Variants in RPIA observed in about 807,000 individuals in gnomAD.
RPIA encodes the protein ribose-5-phosphate isomerase.
In RPIA, 29 loss-of-function variants were observed where a neutral mutation model predicts 37.8. That is an observed-to-expected ratio of 0.77 (90% CI 0.57 to 1.05). The LOEUF (loss-of-function observed/expected upper bound fraction) is 1.05. RPIA is among the 50% of genes least tolerant of loss of function. The probability of loss-of-function intolerance (pLI) is 0.00; values close to 1 mark genes in which losing one functional copy is unlikely to be tolerated. For synonymous variants in RPIA, 167 were observed against 157.0 expected, an observed-to-expected ratio of 1.06 and a Z score of -0.48; for missense variants, 385 against 413.6, an observed-to-expected ratio of 0.93 and a Z score of 0.60.
At position 88,750,192 on chromosome 2, in the gene RPIA, G is replaced by C. The variant is rs867796610; in HGVS notation, c.*114G>C. The C allele has an allele frequency of 1.4e-6, 1 of 702,600 alleles. No individual in the cohort carries two copies. Among genetic ancestry groups the C allele is most frequent in the Admixed American group, 2.0e-5 (1 of 49,124 alleles). The allele number at this position is 702,600 out of a possible 1,614,324, so 43.5% of individuals were successfully genotyped here. A position where few individuals can be genotyped will look rare whatever the true frequency, so the allele number is the denominator to read the frequency against. On this transcript the variant is annotated 3_prime_UTR_variant, in exon 9 of 9. Transcript: ENST00000283646. ...TCTCTGCCTGGACAACTTGTGGTGG[G>C]GGGTGGGGGGAAGAGTGGGAGGGGG... is the stretch of plus-strand genomic sequence containing the variant.
chr2:88,738,584 TCTG>T (rs1276615130), intron 8 of RPIA, among the ~76,000 whole-genome samples: 1 of 152,098 alleles, frequency 6.6e-6, no homozygotes, highest in Non-Finnish European at 1.5e-5. Flanking sequence ...CCTGGGGAAA[TCTG>T]TGTGTGTGTG....
intron 1 of RPIA, among the ~76,000 whole-genome samples, chr2:88,694,992 A>AG (rs1553418583): frequency 6.7e-6 from 1 of 150,038 alleles, no homozygotes; most frequent in East Asian, 1.9e-4. Context: ...AAAAAAAAAA[A>AG]AAAGAAAAAG....
intron 3 of RPIA, among the ~76,000 whole-genome samples, chr2:88,723,914 C>T (rs1673164827): frequency 6.6e-6 from 1 of 152,028 alleles, no homozygotes; most frequent in Non-Finnish European, 1.5e-5. Flanking sequence ...AGACTTGAAG[C>T]TGGAAGGGAG....
chr2:88,695,004 AAAAG>A (rs956609259), intron 1 of RPIA, among the ~76,000 whole-genome samples: 13 of 152,022 alleles, frequency 8.6e-5, no homozygotes, highest in Admixed American at 5.9e-4. Context: ...AAGAAAAAGA[AAAAG>A]AAAAGCTCGA....
intron 3 of RPIA, among the ~76,000 whole-genome samples, chr2:88,728,705 A>G (rs1054369899): frequency 2.0e-5 from 3 of 152,206 alleles, no homozygotes; most frequent in Admixed American, 1.3e-4. Context: ...CTATAACGTC[A>G]GTGGTGCTGA....
chr2:88,739,049 CA>C (rs2104139340), intron 8 of RPIA, among the ~76,000 whole-genome samples: 1 of 152,174 alleles, frequency 6.6e-6, no homozygotes, highest in African/African-American at 2.4e-5. Context: ...GATGGGTGGG[CA>C]GTGTAGAGAT....
intron 7 of RPIA, 94 bp downstream of exon 7, chr2:88,736,770 C>T: frequency 7.1e-7 from 1 of 1,417,400 alleles, no homozygotes; most frequent in Non-Finnish European, 9.6e-7. Flanking sequence ...ATGTGTGCTT[C>T]CACCAGGCAA....
intron 3 of RPIA, among the ~76,000 whole-genome samples, chr2:88,711,454 T>A (rs1475592716): frequency 6.6e-6 from 1 of 152,208 alleles, no homozygotes; most frequent in African/African-American, 2.4e-5. Context: ...ATAATTATTA[T>A]CTACAGACCT....
At chr2:88,713,791 C>T (rs931281815) in intron 3 of RPIA, among the ~76,000 whole-genome samples, 12 of 152,002 alleles carry the variant, frequency 7.9e-5, no homozygotes, top group Admixed American at 7.9e-4. Flanking sequence ...TTTAGCTTTG[C>T]CTTTTTCTGA....
intron 1 of RPIA, among the ~76,000 whole-genome samples, chr2:88,696,951 T>A (rs1672755534): frequency 6.6e-6 from 1 of 152,206 alleles, no homozygotes; most frequent in South Asian, 2.1e-4. Context: ...TTGGTGGAGA[T>A]GTTCAAAGCA....
chr2:88,705,450 C>T (rs1409555659), intron 3 of RPIA, among the ~76,000 whole-genome samples: 2 of 152,096 alleles, frequency 1.3e-5, no homozygotes, highest in Non-Finnish European at 2.9e-5. Flanking sequence ...CTGACAAAAG[C>T]GATGGGGAAA....
intron 8 of RPIA, among the ~76,000 whole-genome samples, chr2:88,743,192 A>G (rs1673403249): frequency 6.6e-6 from 1 of 152,042 alleles, no homozygotes; most frequent in African/African-American, 2.4e-5. Flanking sequence ...GGTGGCTTTT[A>G]TTACCTTTAG....
chr2:88,708,867 C>T (rs182469942), intron 3 of RPIA, among the ~76,000 whole-genome samples: 8 of 151,882 alleles, frequency 5.3e-5, no homozygotes, highest in East Asian at 3.9e-4. Context: ...TGCCGTACTC[C>T]TGCGTCAGCC....
At chr2:88,743,689 T>G (rs533415330) in intron 8 of RPIA, among the ~76,000 whole-genome samples, 12 of 152,316 alleles carry the variant, frequency 7.9e-5, no homozygotes, top group Non-Finnish European at 1.3e-4. Context: ...GGCAGTTTTT[T>G]TAATTACTGT....
rs1160825811 is a variant in RPIA at position 88,701,551 on chromosome 2, C to T, written c.402+1487C>T. Among the ~76,000 whole-genome samples the T allele has an allele frequency of 2.0e-5, 3 of 152,280 alleles. No homozygotes were observed. The South Asian group carries it at 6.2e-4, about 32-fold the overall frequency. The stretch of plus-strand genomic sequence containing the variant: ...CCTAGAAAGCACACTCTTATTACCT[C>T]CCACCCCTGACCTCCACTATTTCTT... On this transcript the variant is annotated intron_variant, in intron 3 of 8. Transcript: ENST00000283646.
chr2:88,703,773 T>G (rs1672863886), intron 3 of RPIA, among the ~76,000 whole-genome samples: 1 of 152,256 alleles, frequency 6.6e-6, no homozygotes, highest in Non-Finnish European at 1.5e-5. Context: ...TGCAGCCGGC[T>G]TGAATTTCTC....
At chr2:88,733,074 A>G (rs552225617) in intron 4 of RPIA, among the ~76,000 whole-genome samples, 57 of 152,344 alleles carry the variant, frequency 3.7e-4, no homozygotes, top group African/African-American at 1.3e-3. Context: ...CATCTTTTCT[A>G]GACTAATGCT....
intron 3 of RPIA, among the ~76,000 whole-genome samples, chr2:88,724,688 T>A (rs564671181): frequency 6.6e-6 from 1 of 152,270 alleles, no homozygotes; most frequent in East Asian, 1.9e-4. Flanking sequence ...TTTAAACAAG[T>A]AAACCTGTAG....
At chr2:88,703,607 G>A (rs1672861702) in intron 3 of RPIA, among the ~76,000 whole-genome samples, 1 of 152,182 alleles carries the variant, frequency 6.6e-6, no homozygotes, top group Non-Finnish European at 1.5e-5. Flanking sequence ...CACAGCTTGG[G>A]GACCCTGGGC....
Sources: gnomAD v4.1 joint callset for allele counts (sites outside exome capture counted in the v4.1 genomes callset) on GRCh38, gnomAD v4.1.1 for gene constraint, MANE v1.5 for transcripts, NCBI Gene and HGNC (gene_info 2026-07-23, HGNC 2026-07-21) for gene names.